Variants in MORN5 observed in about 807,000 individuals in gnomAD.
MORN5 encodes MORN repeat-containing protein 5.
In MORN5, 21 loss-of-function variants were observed where a neutral mutation model predicts 22.1. The observed-to-expected ratio is 0.95, with a 90% confidence interval of 0.67 to 1.37. The LOEUF (loss-of-function observed/expected upper bound fraction) is 1.37, where lower values mean the gene tolerates loss of function less well. MORN5 is among the 40% of genes most tolerant of loss of function. The probability of loss-of-function intolerance (pLI) is 0.00; values close to 1 mark genes in which losing one functional copy is unlikely to be tolerated. For synonymous variants in MORN5, 73 were observed against 74.0 expected (o/e 0.99, Z 0.07); for missense variants, 211 against 215.1 (o/e 0.98, Z 0.12).
chr9:122,178,393 G>A (rs1022574909), intron 4 of MORN5, among the ~76,000 whole-genome samples: 1 of 152,130 alleles, frequency 6.6e-6, no homozygotes, highest in Non-Finnish European at 1.5e-5. Context: ...GGAGGCTGAG[G>A]CAGGAGAATT....
chr9:122,199,328 C>A (rs1829962272), intron 4 of MORN5, among the ~76,000 whole-genome samples: 1 of 152,164 alleles, frequency 6.6e-6, no homozygotes, highest in Non-Finnish European at 1.5e-5. Context: ...GAAGATTAAA[C>A]TAAGGAGACA....
chr9:122,193,940 G>A (rs1829832440), intron 4 of MORN5, among the ~76,000 whole-genome samples: 1 of 152,258 alleles, frequency 6.6e-6, no homozygotes, highest in African/African-American at 2.4e-5. Flanking sequence ...GCCAGGCTGA[G>A]GAGTGGAGAG....
intron 3 of MORN5, among the ~76,000 whole-genome samples, chr9:122,172,257 G>C (rs574011125): frequency 6.6e-6 from 1 of 151,206 alleles, no homozygotes; most frequent in Non-Finnish European, 1.5e-5. Context: ...CACCATGCCC[G>C]GCCGCTTACA....
In MORN5 at chr9:122,197,764, GA is replaced by G. The variant is rs1564425961; in HGVS notation, c.440-2120del. The stretch of plus-strand genomic sequence containing the variant: ...CAGCTGCACTGATTCGAATAGCCTG[GA>G]GACTTCAGAACTGTAATTATCAACC... On this transcript the variant is annotated intron_variant, in intron 4 of 4. Coordinates refer to ENST00000373764, the MANE Select transcript of MORN5 (RefSeq NM_198469.4). The surrounding 1 kb of genome is among the most constrained non-coding windows in gnomAD (Gnocchi z 5.7). Among the ~76,000 whole-genome samples the G allele has an allele frequency of 6.6e-6, 1 of 152,198 alleles. No homozygotes were observed. The highest frequency in any genetic ancestry group is 1.5e-5 in the Non-Finnish European group (1 of 68,032).
At chr9:122,187,978 T>G (rs181576297) in intron 4 of MORN5, among the ~76,000 whole-genome samples, 9 of 152,242 alleles carry the variant, frequency 5.9e-5, no homozygotes, top group Admixed American at 5.9e-4. Context: ...TCCAGAGAGA[T>G]GCAGGGGTAC....
At chr9:122,170,501 G>A (rs55891420) in intron 3 of MORN5, among the ~76,000 whole-genome samples, 2 of 152,260 alleles carry the variant, frequency 1.3e-5, no homozygotes, top group African/African-American at 2.4e-5. Flanking sequence ...AGTTAAGGAC[G>A]AAAGCAGTAC....
At chr9:122,184,059 C>T (rs192681129) in intron 4 of MORN5, among the ~76,000 whole-genome samples, 13 of 152,258 alleles carry the variant, frequency 8.5e-5, no homozygotes, top group East Asian at 5.8e-4. Flanking sequence ...AGGAAGATGG[C>T]GATGATGGTG....
chr9:122,186,118 G>A (rs1829630944), intron 4 of MORN5, among the ~76,000 whole-genome samples: 1 of 152,228 alleles, frequency 6.6e-6, no homozygotes, highest in Non-Finnish European at 1.5e-5. Context: ...ATCCCTGCCA[G>A]CAGACGCGCA....
At position 122,191,842 on chromosome 9, in the gene MORN5, C is replaced by T. The variant is rs117026757; in HGVS notation, c.440-8043C>T. 2.7e-3 allele frequency among the ~76,000 whole-genome samples: 412 copies of T among 152,344 alleles called. 11 individuals are homozygous for T. In the East Asian group the frequency reaches 0.072, roughly 27 times the overall value. On this transcript the variant is annotated intron_variant, in intron 4 of 4. Transcript: ENST00000373764. ...CCCTTGATCCTAGGGCACTGATCCT[C>T]GTGTGAAGACCTCCTCCTCCCGCAG... is the stretch of plus-strand genomic sequence containing the variant.
At chr9:122,174,926 C>T (rs914593344) in intron 4 of MORN5, 1 of 946,500 alleles carries the variant, frequency 1.1e-6, no homozygotes, top group Non-Finnish European at 1.3e-6. Flanking sequence ...TGGGCACCTA[C>T]TATATGCTAG....
chr9:122,161,902 T>C (rs1588299154), intron 1 of MORN5, among the ~76,000 whole-genome samples: 1 of 152,216 alleles, frequency 6.6e-6, no homozygotes, highest in Non-Finnish European at 1.5e-5. Context: ...GTAACCACGA[T>C]AGGGATTCCC....
intron 2 of MORN5, among the ~76,000 whole-genome samples, chr9:122,169,046 T>G (rs1295278859): frequency 1.3e-5 from 2 of 152,118 alleles, no homozygotes; most frequent in African/African-American, 4.8e-5. Context: ...AAGATGGATG[T>G]CCCAGCACAA....
chr9:122,174,703 A>C, intron 4 of MORN5, 76 bp downstream of exon 4: 5 of 1,610,268 alleles, frequency 3.1e-6, no homozygotes, highest in Non-Finnish European at 3.4e-6. Context: ...GTACAAATGT[A>C]TGCACACACT....
chr9:122,166,792 C>G lies in MORN5; in HGVS notation c.72C>G (p.Ile24Met), dbSNP rs141317577. Residue 24 changes from isoleucine (I) to methionine (M), a missense_variant, in exon 2 of 5, where the codon ATC becomes ATG. Transcript: ENST00000373764. ...DGRMEGKAKY[I>M]LPTETIYVGE... is the part of the protein sequence containing the mutation. ...GGATGGAGGGCAAAGCCAAGTACAT[C>G]CTCCCTACCGAAACAATATATGTTG... The G allele has an allele frequency of 6.2e-7, 1 of 1,613,746 alleles. No homozygotes were observed.
intron 1 of MORN5, among the ~76,000 whole-genome samples, chr9:122,164,334 G>A (rs7863613): frequency 0.052 from 7,994 of 152,284 alleles, 708 homozygotes; most frequent in African/African-American, 0.18. Flanking sequence ...GCTCACTGCA[G>A]TTGTCCCAGT....
chr9:122,172,990 T>C (rs35967576), intron 3 of MORN5, among the ~76,000 whole-genome samples: 4 of 152,170 alleles, frequency 2.6e-5, no homozygotes, highest in African/African-American at 4.8e-5. Flanking sequence ...GAATTAGTTA[T>C]GATGGGAGGC....
At chr9:122,187,259 T>C (rs913933) in intron 4 of MORN5, among the ~76,000 whole-genome samples, 81,007 of 152,140 alleles carry the variant, frequency 0.53, 22,085 homozygotes, top group Non-Finnish European at 0.59. Flanking sequence ...GAGGAGCCAG[T>C]GTTACCATGG....
chr9:122,195,365 C>A (rs1829865831), intron 4 of MORN5, among the ~76,000 whole-genome samples: 1 of 152,134 alleles, frequency 6.6e-6, no homozygotes, highest in Non-Finnish European at 1.5e-5. Flanking sequence ...TCACTAAAGC[C>A]CATACTTTTT....
intron 4 of MORN5, among the ~76,000 whole-genome samples, chr9:122,177,167 G>A (rs1024413067): frequency 2.0e-5 from 3 of 152,212 alleles, no homozygotes; most frequent in African/African-American, 7.2e-5. Flanking sequence ...GACCTCTGGC[G>A]GGGGAGCACT....
Sources: gnomAD v4.1 joint callset for allele counts (sites outside exome capture counted in the v4.1 genomes callset) on GRCh38, gnomAD v4.1.1 for gene constraint, Gnocchi (gnomAD v3.1) non-coding constraint, MANE v1.5 for transcripts, NCBI Gene and HGNC (gene_info 2026-07-23, HGNC 2026-07-21) for gene names.